Variants in PCSK6 observed in about 807,000 individuals in gnomAD.
The protein encoded by PCSK6 is proprotein convertase subtilisin/kexin type 6, also known as paired basic amino acid cleaving enzyme 4.
Under a neutral mutation model 123.3 loss-of-function variants are expected in PCSK6, and 85 were observed. That is an observed-to-expected ratio of 0.69 (90% confidence interval 0.58 to 0.83). PCSK6 has a LOEUF of 0.83. PCSK6 is among the 40% of genes least tolerant of loss of function. The pLI is 0.00. For synonymous variants in PCSK6, 508 were observed against 516.0 expected (o/e 0.98, Z 0.21); for missense variants, 1,191 against 1,282.3 (o/e 0.93, Z 1.09).
intron 1 of PCSK6, among the ~76,000 whole-genome samples, chr15:101,456,613 C>T (rs552582564): frequency 6.6e-5 from 10 of 152,292 alleles, no homozygotes; most frequent in African/African-American, 1.9e-4. Flanking sequence ...CATAGGAAAC[C>T]GCTTTGCCTA....
chr15:101,336,349 AG>A (rs1414434084), intron 13 of PCSK6, among the ~76,000 whole-genome samples: 1 of 152,240 alleles, frequency 6.6e-6, no homozygotes, highest in African/African-American at 2.4e-5. Context: ...CTGTCCATTA[AG>A]GGAAACCTAC....
At chr15:101,338,599 G>A (rs1356335175) in intron 13 of PCSK6, among the ~76,000 whole-genome samples, 1 of 152,200 alleles carries the variant, frequency 6.6e-6, no homozygotes, top group Non-Finnish European at 1.5e-5. Context: ...CCCTGCTTTC[G>A]GCAAACCACT....
chr15:101,347,228 G>A (rs2040757825), intron 13 of PCSK6: 1 of 1,232,238 alleles, frequency 8.1e-7, no homozygotes, highest in South Asian at 4.1e-5. Flanking sequence ...AGGATAGATT[G>A]AGCCATCGAA....
intron 1 of PCSK6, among the ~76,000 whole-genome samples, chr15:101,457,280 T>C (rs2057211572): frequency 6.6e-6 from 1 of 152,370 alleles, no homozygotes; most frequent in Admixed American, 6.5e-5. Context: ...TCCCAACTCC[T>C]CTGTTTAAGT....
At chr15:101,307,143 T>C in intron 21 of PCSK6, 70 bp downstream of exon 21, 1 of 1,180,128 alleles carries the variant, frequency 8.5e-7, no homozygotes, top group South Asian at 1.3e-5. Context: ...TTTGCTTTTC[T>C]CTTTGGAGCA....
chr15:101,345,947 C>T (rs1033271719), intron 13 of PCSK6, among the ~76,000 whole-genome samples: 4 of 152,166 alleles, frequency 2.6e-5, no homozygotes, highest in Non-Finnish European at 4.4e-5. Context: ...GGATTACAAG[C>T]GTGAGCCACC....
At chr15:101,444,966 C>G (rs538368575) in intron 1 of PCSK6, among the ~76,000 whole-genome samples, 13 of 152,320 alleles carry the variant, frequency 8.5e-5, no homozygotes, top group African/African-American at 2.6e-4. Context: ...TTCCGGCAAC[C>G]CTGGCAGCCT....
At chr15:101,313,302 C>A in intron 20 of PCSK6, 74 bp downstream of exon 20, 1 of 1,610,446 alleles carries the variant, frequency 6.2e-7, no homozygotes, top group Non-Finnish European at 8.5e-7. Context: ...GGGGAAGATG[C>A]TGCCAGACTC....
At chr15:101,465,972 T>C (rs2057450530) in intron 1 of PCSK6, among the ~76,000 whole-genome samples, 1 of 151,940 alleles carries the variant, frequency 6.6e-6, no homozygotes, top group African/African-American at 2.4e-5. Context: ...ACAAACACGG[T>C]AGATACTGAT....
chr15:101,319,431 C>G (rs573250117), intron 18 of PCSK6, among the ~76,000 whole-genome samples: 3 of 152,140 alleles, frequency 2.0e-5, no homozygotes, highest in Admixed American at 6.5e-5. Flanking sequence ...TATGTTCGGT[C>G]TTTGTCCTGG....
rs557008852 is a variant in PCSK6, at chr15:101,428,264, G to T, written c.735-284C>A. On this transcript the variant is annotated intron_variant, in intron 5 of 21. Transcript: ENST00000611716. ...ACCCCCATGTGGGAGGAAGGTGCCT[G>T]CCCCAGTGCCCGTGGTCCTATACCT... 3.3e-5 allele frequency among the ~76,000 whole-genome samples: 5 copies of T among 152,302 alleles called. No homozygotes were observed. In the East Asian group the frequency reaches 9.7e-4, roughly 29 times the overall value.
chr15:101,488,909 T>A (rs1356916193), intron 1 of PCSK6, among the ~76,000 whole-genome samples: 1 of 147,566 alleles, frequency 6.8e-6, no homozygotes. Context: ...GCGCACCGGG[T>A]CCGGAGCTCG....
At chr15:101,489,158 G>T (rs1221476094) in intron 1 of PCSK6, among the ~76,000 whole-genome samples, 3 of 82,770 alleles carry the variant, frequency 3.6e-5, no homozygotes, top group Non-Finnish European at 5.0e-5. Context: ...CGGGACCCCA[G>T]TCCCCCCCAC....
chr15:101,431,584 AT>A, intron 3 of PCSK6, 121 bp from the exon 4 acceptor site: 4 of 1,181,870 alleles, frequency 3.4e-6, no homozygotes, highest in Non-Finnish European at 4.9e-6. Context: ...GGGAACACCT[AT>A]CCCTGCCTTA....
rs745634436 is a variant in PCSK6 at position 101,393,408 on chromosome 15, C to T, written c.1013G>A (p.Gly338Asp). Reference protein sequence around the residue: ...YGIKKGRQGLGSIFVWASGNG... With the variant: ...YGIKKGRQGLDSIFVWASGNG... ...CCCAGATGCCCAGACGAAAATGGAG[C>T]CCAGGCCCTGCCGGCCCTGGAGGGA... is the stretch of plus-strand genomic sequence containing the variant. Residue 338 changes from glycine to aspartate, a missense_variant, in exon 8 of 22, where the codon GGC (glycine) becomes GAC (aspartate). Gly to Asp is a moderately conservative substitution (Grantham distance 94). Transcript: ENST00000611716. 4 of 1,603,356 alleles carry T rather than the reference C, an allele frequency of 2.5e-6. No individual in the cohort carries two copies. The highest frequency in any genetic ancestry group is 4.5e-5 in the East Asian group (2 of 44,826).
At chr15:101,324,502 T>C (rs373605296) in intron 17 of PCSK6, among the ~76,000 whole-genome samples, 2 of 152,226 alleles carry the variant, frequency 1.3e-5, no homozygotes, top group African/African-American at 4.8e-5. Flanking sequence ...TTCTGATACC[T>C]GAAATCAGAC....
chr15:101,326,239 A>C lies in PCSK6; in HGVS notation c.2180+138T>G, dbSNP rs991674654. ...AGTTACTAAAAATTTAAAAACTCCA[A>C]AGCAGTTAACTTCAGTGTGATGATT... On this transcript the variant is annotated intron_variant, in intron 16 of 21. Coordinates refer to ENST00000611716, the MANE Select transcript of PCSK6 (RefSeq NM_002570.5). 2.7e-5 allele frequency: 17 copies of C among 632,790 alleles called. No homozygotes were observed. In the African/African-American group the frequency reaches 3.1e-4, roughly 12 times the overall value. 39.2% of individuals were successfully genotyped at this position (632,790 alleles called of 1,614,324 possible).
In PCSK6 at chr15:101,306,912, A is replaced by G. The variant is rs143892685; in HGVS notation, c.2812+301T>C. Among the ~76,000 whole-genome samples, 138 of 152,322 alleles carry G rather than the reference A, an allele frequency of 9.1e-4. 2 individuals carry two copies. Among genetic ancestry groups the G allele is most frequent in the African/African-American group, 3.2e-3 (132 of 41,580 alleles). On this transcript the variant is annotated intron_variant, in intron 21 of 21. Transcript: ENST00000611716. ...GTCACATCCGGGCCACCGGCGGCCT[A>G]TGGCATGGCAGTGGGACCAGTACAA... is the stretch of plus-strand genomic sequence containing the variant.
intron 21 of PCSK6, 139 bp downstream of exon 21, chr15:101,307,070 CCAGA>C (rs1229313642): frequency 1.1e-5 from 7 of 643,222 alleles, no homozygotes; most frequent in East Asian, 2.7e-5. Context: ...TAGAGGAATC[CCAGA>C]CAGTCAATCG....
Sources: allele counts gnomAD v4.1 joint callset (sites outside exome capture counted in the v4.1 genomes callset), GRCh38; gene constraint gnomAD v4.1.1; transcripts MANE v1.5; gene names NCBI Gene and HGNC (gene_info 2026-07-23, HGNC 2026-07-21).